Variants in MTDH observed in about 807,000 individuals in gnomAD.
MTDH encodes protein LYRIC.
In MTDH, 34 loss-of-function variants were observed where a neutral mutation model predicts 72.7. The ratio of observed to expected loss-of-function variants is 0.47; its 90% CI spans 0.36 to 0.62. MTDH has a LOEUF of 0.62. Among genes scored for constraint, MTDH ranks in the 20% least tolerant of loss-of-function variants. The pLI, the probability that MTDH is intolerant of heterozygous loss-of-function variation, is 0.00. For synonymous variants in MTDH, 266 were observed against 268.9 expected (o/e 0.99, Z 0.10); for missense variants, 677 against 699.4 (o/e 0.97, Z 0.36).
intron 2 of MTDH, among the ~76,000 whole-genome samples, 155 bp from the exon 3 acceptor site, chr8:97,686,513 A>G (rs953209815): frequency 2.6e-5 from 4 of 152,234 alleles, no homozygotes; most frequent in African/African-American, 9.6e-5. Flanking sequence ...GTAACCTCAT[A>G]TGATTATTTT....
At chr8:97,681,030 A>G (rs1217390726) in intron 2 of MTDH, among the ~76,000 whole-genome samples, 2 of 152,296 alleles carry the variant, frequency 1.3e-5, no homozygotes, top group Non-Finnish European at 2.9e-5. Context: ...TCAGTTTTAA[A>G]TGTTTTGAGA....
At chr8:97,677,271 A>G (rs2130973454) in intron 2 of MTDH, among the ~76,000 whole-genome samples, 1 of 149,458 alleles carries the variant, frequency 6.7e-6, no homozygotes, top group African/African-American at 2.5e-5. Flanking sequence ...AGGCAGGTGG[A>G]TCACAAGGTC....
At chr8:97,694,982 A>C (rs916683718) in intron 6 of MTDH, among the ~76,000 whole-genome samples, 7 of 152,182 alleles carry the variant, frequency 4.6e-5, no homozygotes, top group African/African-American at 1.7e-4. Context: ...CAGAGAAGAA[A>C]GCATTAATTT....
intron 2 of MTDH, among the ~76,000 whole-genome samples, chr8:97,662,403 C>A (rs1238353905): frequency 3.0e-4 from 45 of 150,434 alleles, no homozygotes; most frequent in African/African-American, 1.1e-3. Context: ...AAAAAACAAA[C>A]AAAAACAAAA....
chr8:97,712,584 A>G (rs1024023024), intron 8 of MTDH, among the ~76,000 whole-genome samples: 1 of 152,154 alleles, frequency 6.6e-6, no homozygotes, highest in South Asian at 2.1e-4. Context: ...ATAAGCTTTC[A>G]TTTCTCTAGG....
intron 6 of MTDH, among the ~76,000 whole-genome samples, chr8:97,697,518 T>G (rs1245817648): frequency 6.6e-6 from 1 of 151,000 alleles, no homozygotes; most frequent in Non-Finnish European, 1.5e-5. Flanking sequence ...CCCATGTATC[T>G]GGTACTGCAG....
At chr8:97,719,278 A>T in intron 10 of MTDH, 89 bp downstream of exon 10, 2 of 1,367,534 alleles carry the variant, frequency 1.5e-6, no homozygotes, top group Admixed American at 2.3e-5. Context: ...GCAGGTCATG[A>T]GGTCAGGAGT....
intron 2 of MTDH, among the ~76,000 whole-genome samples, chr8:97,663,836 TG>T (rs1352054509): frequency 6.6e-6 from 1 of 151,088 alleles, no homozygotes; most frequent in Non-Finnish European, 1.5e-5. Flanking sequence ...GGCTTTGAGG[TG>T]GTAGTATTAT....
In MTDH at chr8:97,644,351, G is replaced by T; in HGVS notation, c.-156G>T. ...TGGGAGACCCCTCCGCCCTCCCCGC[G>T]GTGGCAGCGGCCGATCCCCGGCTCC... is the stretch of plus-strand genomic sequence containing the variant. On this transcript the variant is annotated 5_prime_UTR_variant, in exon 1 of 12. Coordinates refer to ENST00000336273, the MANE Select transcript of MTDH (RefSeq NM_178812.4). 2 of 1,004,350 alleles carry T rather than the reference G, an allele frequency of 2.0e-6. No individual in the cohort carries two copies. The highest frequency in any genetic ancestry group is 2.8e-6 in the Non-Finnish European group (2 of 726,216). The allele number at this position is 1,004,350 out of a possible 1,614,324, so 62.2% of individuals were successfully genotyped here. A position where few individuals can be genotyped will look rare whatever the true frequency, so the allele number is the denominator to read the frequency against.
In MTDH at chr8:97,726,946, G is replaced by A. The variant is rs560819031; in HGVS notation, c.*2276G>A. The A allele has an allele frequency of 6.6e-6, 1 of 151,896 alleles. No individual in the cohort carries two copies. The highest frequency in any genetic ancestry group is 2.4e-5 in the African/African-American group (1 of 41,424). 9.4% of individuals were successfully genotyped at this position (151,896 alleles called of 1,614,324 possible). On this transcript the variant is annotated 3_prime_UTR_variant, in exon 12 of 12. Coordinates refer to ENST00000336273, the MANE Select transcript of MTDH (RefSeq NM_178812.4). ...AAAAAAAAATTAGCTGGGTGTGGTG[G>A]TGGGCTCCTGTAATCCCAGCTACTC...
At chr8:97,711,940 G>A (rs985153712) in intron 8 of MTDH, among the ~76,000 whole-genome samples, 1 of 152,184 alleles carries the variant, frequency 6.6e-6, no homozygotes, top group Non-Finnish European at 1.5e-5. Context: ...TTCACAGCTG[G>A]CGTGTTTGCA....
Position 97,730,015 on chromosome 8 carries a change from T to C in MTDH, c.*5345T>C, listed in dbSNP as rs1815498682. ...CTAACAGGACGATGATTTCTAACCC[T>C]AGCATCATGACATGTATATAGTGTG... is the stretch of plus-strand genomic sequence containing the variant. On this transcript the variant is annotated 3_prime_UTR_variant, in exon 12 of 12. Coordinates refer to ENST00000336273, the MANE Select transcript of MTDH (RefSeq NM_178812.4). Among the ~76,000 whole-genome samples the C allele has an allele frequency of 6.6e-6, 1 of 152,220 alleles. No homozygotes were observed. Among genetic ancestry groups the C allele is most frequent in the Non-Finnish European group, 1.5e-5 (1 of 68,038 alleles).
chr8:97,646,413 C>T (rs1811564749), intron 1 of MTDH, among the ~76,000 whole-genome samples: 1 of 152,108 alleles, frequency 6.6e-6, no homozygotes, highest in Admixed American at 6.5e-5. Context: ...CAAGAATTAC[C>T]AATTATCAAA....
chr8:97,650,769 A>T (rs1204706712), intron 1 of MTDH, among the ~76,000 whole-genome samples: 2 of 151,664 alleles, frequency 1.3e-5, no homozygotes, highest in South Asian at 2.1e-4. Context: ...TCTCACTGTC[A>T]CCCACGCTGG....
intron 4 of MTDH, among the ~76,000 whole-genome samples, chr8:97,688,807 G>A (rs948233480): frequency 2.0e-5 from 3 of 152,112 alleles, no homozygotes; most frequent in African/African-American, 7.2e-5. Context: ...CAGTTTTCCA[G>A]GTTCTTTTTG....
At chr8:97,673,451 G>A (rs1812713217) in intron 2 of MTDH, among the ~76,000 whole-genome samples, 1 of 152,174 alleles carries the variant, frequency 6.6e-6, no homozygotes, top group Non-Finnish European at 1.5e-5. Flanking sequence ...CTGAGGTCAG[G>A]AGTTCAAGAC....
intron 1 of MTDH, among the ~76,000 whole-genome samples, chr8:97,658,472 T>G (rs1328889495): frequency 2.0e-5 from 3 of 152,238 alleles, no homozygotes; most frequent in African/African-American, 7.2e-5. Flanking sequence ...TTTGCAGTTG[T>G]TCTCACATAA....
rs76594904 is a variant in MTDH at position 97,659,323 on chromosome 8, A to G, written c.382-1749A>G. On this transcript the variant is annotated intron_variant, in intron 1 of 11. Transcript: ENST00000336273. ...AACAGAAGAGGGATTAGAAGAGGCA[A>G]CATTAGAAGTGGCAAGACAGCATAG... Among the ~76,000 whole-genome samples, 807 of 152,322 alleles carry G rather than the reference A, an allele frequency of 5.3e-3. 5 individuals are homozygous for G. Among genetic ancestry groups the G allele is most frequent in the African/African-American group, 0.017 (715 of 41,562 alleles).
intron 5 of MTDH, 89 bp from the exon 6 acceptor site, chr8:97,690,863 A>G (rs745544279): frequency 1.8e-4 from 163 of 921,410 alleles, no homozygotes; most frequent in Non-Finnish European, 2.4e-4. Context: ...AGTAATAAAT[A>G]TAAGTCAAGC....
Sources: gnomAD v4.1 joint callset for allele counts (sites outside exome capture counted in the v4.1 genomes callset) on GRCh38, gnomAD v4.1.1 for gene constraint, MANE v1.5 for transcripts, NCBI Gene and HGNC (gene_info 2026-07-23, HGNC 2026-07-21) for gene names.